Variants in MYH14 observed in about 807,000 individuals in gnomAD.
MYH14 encodes myosin-14.
A neutral mutation model predicts 255.5 loss-of-function variants in MYH14; 123 were observed. That is an observed-to-expected ratio of 0.48 (90% confidence interval 0.42 to 0.56). MYH14 has a LOEUF of 0.56. Ranked by LOEUF, MYH14 falls within the 20% of genes least tolerant of loss-of-function variation. The pLI is 0.00. For missense variants in MYH14, 2,423 were observed against 2,802.3 expected, an observed-to-expected ratio of 0.86 and a Z score of 3.06; for synonymous variants, 1,095 against 1,161.2, an observed-to-expected ratio of 0.94 and a Z score of 1.16.
Position 50,301,817 on chromosome 19 carries a change from G to A in MYH14, c.5626G>A (p.Ala1876Thr). The A allele has an allele frequency of 6.2e-7, 1 of 1,613,858 alleles. No individual in the cohort carries two copies. Among genetic ancestry groups the A allele is most frequent in the Non-Finnish European group, 8.5e-7 (1 of 1,179,856 alleles). The part of the protein sequence containing the change: ...ARARHKMTIA[A>T]LESKLAQAEE... ...TGCCCGCCACAAGATGACCATTGCTGCCCTTGAGTCTAAGTTGGCCCAGGC... is the reference window on the plus strand; with the variant it reads ...TGCCCGCCACAAGATGACCATTGCTACCCTTGAGTCTAAGTTGGCCCAGGC... Residue 1876 changes from alanine to threonine, a missense_variant, in exon 40 of 43, where the codon GCC (alanine) becomes ACC (threonine). Around this residue, in one of 3 missense-constraint regions of MYH14, gnomAD observed 1,513 missense variants for 1,674.8 expected, o/e 0.90. Coordinates refer to ENST00000642316, the MANE Select transcript of MYH14 (RefSeq NM_001145809.2).
At chr19:50,296,480 G>T (rs7250387) in intron 39 of MYH14, among the ~76,000 whole-genome samples, 2 of 152,120 alleles carry the variant, frequency 1.3e-5, no homozygotes, top group Admixed American at 1.3e-4. Context: ...TGGCGGGCAC[G>T]CCTGCGGCCC....
intron 10 of MYH14, among the ~76,000 whole-genome samples, chr19:50,236,312 G>A (rs1386919939): frequency 3.3e-5 from 5 of 152,070 alleles, no homozygotes; most frequent in South Asian, 2.1e-4. Flanking sequence ...CAGCCTGGGC[G>A]ACAAAGTGAG....
At position 50,215,269 on chromosome 19, in the gene MYH14, C is replaced by T. The variant is rs528591447; in HGVS notation, c.406-2346C>T. Among the ~76,000 whole-genome samples, 17 of 152,226 alleles carry T rather than the reference C, an allele frequency of 1.1e-4. No homozygotes were observed. In the South Asian group the frequency reaches 2.7e-3, roughly 24 times the overall value. On this transcript the variant is annotated intron_variant, in intron 2 of 42. Transcript: ENST00000642316. ...TCCTCCGCCAGCCAGGAGTGGGGGC[C>T]GGGGCGCCGGCAGCCATGAGATACC...
At chr19:50,275,855 T>C (rs2035483746) in intron 27 of MYH14, 136 bp from the exon 28 acceptor site, 1 of 663,578 alleles carries the variant, frequency 1.5e-6, no homozygotes, top group East Asian at 2.7e-5. Flanking sequence ...TGCAGCCAAG[T>C]GCCCAGTGGC....
chr19:50,309,113 G>T lies in MYH14; in HGVS notation c.5896G>T (p.Glu1966Ter). 6.2e-7 allele frequency: 1 copy of T among 1,613,890 alleles called. No homozygotes were observed. The highest frequency in any genetic ancestry group is 1.1e-5 in the South Asian group (1 of 91,084). ...CCGCCGGAGGCTGCAGCGTGAGCTG[G>T]AAGATGTCACAGAGTCGGCCGAGTC... ...AGRRRLQREL[E>*]DVTESAESMN... is the part of the protein sequence containing the mutation. The change falls in exon 42 of 43, where the codon GAA becomes TAA. Residue 1966 changes from glutamate to a stop codon, truncating the protein, a stop_gained. Transcript: ENST00000642316. LOFTEE classifies it high-confidence loss of function.
rs532466611 is a variant in MYH14, at chr19:50,250,780, A to G, written c.1830+92A>G. 621 of 1,358,684 alleles carry G rather than the reference A, an allele frequency of 4.6e-4. 1 individual carries two copies. In the African/African-American group the frequency reaches 7.7e-3, roughly 17 times the overall value. 84.2% of individuals were successfully genotyped at this position (1,358,684 alleles called of 1,614,324 possible). A position where few individuals can be genotyped will look rare whatever the true frequency, so the allele number is the denominator to read the frequency against. The stretch of plus-strand genomic sequence containing the variant: ...TGGGGGGAGGGTGCAGAGGGAAAAC[A>G]GGGTCCTCCTGAGGTCCAGACAAAC... On this transcript the variant is annotated intron_variant, in intron 15 of 42. Coordinates refer to ENST00000642316, the MANE Select transcript of MYH14 (RefSeq NM_001145809.2). This position sits in a 1 kb window ranked among gnomAD's most constrained non-coding sequence, Gnocchi z 5.4.
chr19:50,227,842 T>G (rs960057825), intron 8 of MYH14, among the ~76,000 whole-genome samples: 3 of 152,188 alleles, frequency 2.0e-5, no homozygotes, highest in South Asian at 2.1e-4. Context: ...TGACTTGGCC[T>G]TTCCCTGCCT....
Position 50,257,574 on chromosome 19 carries a change from C to T in MYH14, c.2232+88C>T, listed in dbSNP as rs78548474. 10,221 of 1,287,104 alleles carry T rather than the reference C, an allele frequency of 7.9e-3. 100 individuals carry two copies. The highest frequency in any genetic ancestry group is 0.036 in the East Asian group (1,405 of 39,442). The allele number at this position is 1,287,104 out of a possible 1,614,324, so 79.7% of individuals were successfully genotyped here. A position where few individuals can be genotyped will look rare whatever the true frequency, so the allele number is the denominator to read the frequency against. Reference sequence around the variant, plus strand: ...GACTTGGCTGGAGCCACATCTGATTCGAGGACCCTCAAATTAGCTGTGTGG... The same window carrying T: ...GACTTGGCTGGAGCCACATCTGATTTGAGGACCCTCAAATTAGCTGTGTGG... On this transcript the variant is annotated intron_variant, in intron 18 of 42. Coordinates refer to ENST00000642316, the MANE Select transcript of MYH14 (RefSeq NM_001145809.2).
At chr19:50,287,830 C>T (rs565555609) in intron 34 of MYH14, among the ~76,000 whole-genome samples, 41 of 152,272 alleles carry the variant, frequency 2.7e-4, no homozygotes, top group African/African-American at 7.2e-4. Flanking sequence ...GAATTTACTA[C>T]AACACACAGC....
chr19:50,225,525 C>A, intron 6 of MYH14, 60 bp from the exon 7 acceptor site: 4 of 1,378,984 alleles, frequency 2.9e-6, no homozygotes, highest in South Asian at 1.2e-5. Context: ...CCGAGCTGGG[C>A]TGGCCTGGCC....
Position 50,261,513 on chromosome 19 carries a change from G to A in MYH14, c.2463G>A (p.Val821=), listed in dbSNP as rs753945616. The part of the protein sequence containing the change: ...ALELDPNLYR[V]GQSKIFFRAG... ...AACTGGACCCCAACCTCTACCGCGTGGGACAGAGCAAGATCTTCTTCCGGG... is the reference window on the plus strand; with the variant it reads ...AACTGGACCCCAACCTCTACCGCGTAGGACAGAGCAAGATCTTCTTCCGGG... The change falls in exon 21 of 43, where the codon GTG becomes GTA. Residue 821 remains valine (V), a synonymous_variant. Transcript: ENST00000642316. The A allele has an allele frequency of 2.5e-6, 4 of 1,574,582 alleles. No individual in the cohort carries two copies. In the Admixed American group the frequency reaches 5.4e-5, roughly 21 times the overall value.
rs372927021 is a variant in MYH14 at position 50,280,111 on chromosome 19, C to T, written c.4107C>T (p.Ser1369=). ...CCATCCGTCTTAGCAAGGAGCTGAG[C>T]AGCACAGAAGCCCAGCTGCACGATG... is the stretch of plus-strand genomic sequence containing the variant. The part of the protein sequence containing the change: ...SKTIRLSKEL[S]STEAQLHDAQ... The change falls in exon 31 of 43, where the codon AGC becomes AGT. Residue 1369 remains serine, a synonymous_variant. Transcript: ENST00000642316. This position sits in a 1 kb window ranked among gnomAD's most constrained non-coding sequence, Gnocchi z 4.8. The T allele has an allele frequency of 4.7e-5, 75 of 1,608,362 alleles. No individual in the cohort carries two copies. Among genetic ancestry groups the T allele is most frequent in the Non-Finnish European group, 6.0e-5 (71 of 1,177,598 alleles).
chr19:50,207,297 G>GAGAGAGAA (rs1243753236), intron 1 of MYH14, among the ~76,000 whole-genome samples: 11 of 150,192 alleles, frequency 7.3e-5, no homozygotes, highest in African/African-American at 2.5e-4. Context: ...GAGAGAGAGA[G>GAGAGAGAA]AGAGAGAGAG....
intron 34 of MYH14, among the ~76,000 whole-genome samples, chr19:50,287,270 C>T (rs2035923319): frequency 6.6e-6 from 1 of 152,260 alleles, no homozygotes; most frequent in Non-Finnish European, 1.5e-5. Context: ...TTCATGTAGA[C>T]ATTCACAGAA....
In MYH14 at chr19:50,232,068, T is replaced by C; in HGVS notation, c.1112T>C (p.Ile371Thr). The change falls in exon 10 of 43, where the codon ATC (isoleucine) becomes ACC (threonine). Residue 371 changes from isoleucine (I) to threonine (T), a missense_variant and splice_region_variant. Coordinates refer to ENST00000642316, the MANE Select transcript of MYH14 (RefSeq NM_001145809.2). ...CTGGGATTCAGCCACGAGGAAATCA[T>C]CTGTGAGTGAGCCCCGTGGAGGCCA... ...RVLGFSHEEI[I>T]SMLRMVSAVL... 1.2e-6 allele frequency: 2 copies of C among 1,611,676 alleles called. No homozygotes were observed. Among genetic ancestry groups the C allele is most frequent in the East Asian group, 2.2e-5 (1 of 44,888 alleles).
intron 40 of MYH14, among the ~76,000 whole-genome samples, chr19:50,302,586 AAAAAAAAGAAAG>A (rs989874814): frequency 1.3e-5 from 2 of 150,474 alleles, no homozygotes; most frequent in Non-Finnish European, 3.0e-5. Context: ...CCATTTAAAA[AAAAAAAAGAAAG>A]AAAAAAAGAA....
intron 41 of MYH14, 146 bp downstream of exon 41, chr19:50,307,303 GCACTTGGCA>G: frequency 1.7e-6 from 1 of 593,530 alleles, no homozygotes; most frequent in Admixed American, 2.7e-5. Flanking sequence ...TACCATCTTG[GCACTTGGCA>G]CATCAGCAGA....
In MYH14 at chr19:50,263,334, C is replaced by G; in HGVS notation, c.2608C>G (p.Gln870Glu). Residue 870 changes from glutamine to glutamate, a missense_variant, in exon 22 of 43, where the codon CAG becomes GAG. By Grantham distance (29) the Gln-to-Glu change is conservative (BLOSUM62 2). Transcript: ENST00000642316. Reference protein sequence around the residue: ...ARRAFQKRQQQQSALRVMQRN... With the variant: ...ARRAFQKRQQEQSALRVMQRN... The stretch of plus-strand genomic sequence containing the variant: ...CAGGGCCTTCCAGAAGCGCCAGCAG[C>G]AGCAGAGCGCCCTGAGGGTGATGCA... The G allele has an allele frequency of 6.3e-7, 1 of 1,575,172 alleles. No individual in the cohort carries two copies. The highest frequency in any genetic ancestry group is 8.6e-7 in the Non-Finnish European group (1 of 1,160,340).
intron 33 of MYH14, 105 bp downstream of exon 33, chr19:50,281,947 C>T: frequency 8.0e-7 from 1 of 1,247,324 alleles, no homozygotes; most frequent in Non-Finnish European, 1.1e-6. Context: ...CTCAACTAGG[C>T]AGTTGTAGTG....
Sources: gnomAD v4.1 joint callset for allele counts (sites outside exome capture counted in the v4.1 genomes callset) on GRCh38, gnomAD v4.1.1 for gene constraint, gnomAD v4.1.1 regional missense constraint, Gnocchi (gnomAD v3.1) non-coding constraint, MANE v1.5 for transcripts, NCBI Gene and HGNC (gene_info 2026-07-23, HGNC 2026-07-21) for gene names.